BICC1: variants seen among roughly 807,000 people sequenced by gnomAD.
The protein encoded by BICC1 is BicC family RNA binding protein 1, also known as protein bicaudal C homolog 1.
In BICC1, 43 loss-of-function variants were observed where a neutral mutation model predicts 111.0. The ratio of observed to expected loss-of-function variants is 0.39; its 90% CI spans 0.30 to 0.50. The LOEUF (loss-of-function observed/expected upper bound fraction) is 0.50, where lower values mean the gene tolerates loss of function less well. Among genes scored for constraint, BICC1 ranks in the 20% least tolerant of loss-of-function variants. The pLI is 0.88. For missense variants in BICC1, 1,091 were observed against 1,203.2 expected, an observed-to-expected ratio of 0.91 and a Z score of 1.38; for synonymous variants, 467 against 434.4, an observed-to-expected ratio of 1.07 and a Z score of -0.93.
intron 19 of BICC1, among the ~76,000 whole-genome samples, chr10:58,817,964 A>C (rs928854867): frequency 1.3e-5 from 2 of 152,326 alleles, no homozygotes; most frequent in Admixed American, 1.3e-4. Context: ...GCTGTCTAAC[A>C]GTTTTAGCAA....
chr10:58,730,003 T>C (rs1394821070), intron 3 of BICC1, among the ~76,000 whole-genome samples: 2 of 152,148 alleles, frequency 1.3e-5, no homozygotes, highest in Admixed American at 6.6e-5. Flanking sequence ...CAATCATGCC[T>C]TCCCAACAGT....
At chr10:58,527,007 T>C (rs1372040547) in intron 1 of BICC1, among the ~76,000 whole-genome samples, 1 of 152,174 alleles carries the variant, frequency 6.6e-6, no homozygotes, top group African/African-American at 2.4e-5. Flanking sequence ...CACCACACTG[T>C]CTTCCACAAT....
chr10:58,532,696 T>C (rs1036061074), intron 1 of BICC1, among the ~76,000 whole-genome samples: 2 of 151,812 alleles, frequency 1.3e-5, no homozygotes, highest in African/African-American at 2.4e-5. Flanking sequence ...CCAAACACCA[T>C]AGGCATCTCA....
chr10:58,722,093 CT>C (rs2132525877), intron 3 of BICC1, among the ~76,000 whole-genome samples: 1 of 152,322 alleles, frequency 6.6e-6, no homozygotes, highest in Non-Finnish European at 1.5e-5. Flanking sequence ...GCATCCAGAT[CT>C]TTGAACACTC....
intron 2 of BICC1, among the ~76,000 whole-genome samples, chr10:58,676,182 C>T (rs193012341): frequency 3.5e-4 from 53 of 152,264 alleles, no homozygotes; most frequent in Admixed American, 6.5e-4. Context: ...GGGTTTCAAG[C>T]ACAAAACTGG....
Position 58,653,629 on chromosome 10 carries a change from G to A in BICC1, c.237+32728G>A, listed in dbSNP as rs1164899670. ...CATCTGCCATCTGTTCAATCCACAC[G>A]TCTTGTTTGAACCAGGGCAGTGCAC... On this transcript the variant is annotated intron_variant, in intron 2 of 20. Transcript: ENST00000373886. 4.6e-5 allele frequency among the ~76,000 whole-genome samples: 7 copies of A among 151,946 alleles called. No individual in the cohort carries two copies. In the East Asian group the frequency reaches 7.7e-4, roughly 17 times the overall value.
intron 1 of BICC1, among the ~76,000 whole-genome samples, chr10:58,604,963 A>T (rs537568635): frequency 1.8e-4 from 28 of 152,256 alleles, no homozygotes; most frequent in African/African-American, 6.3e-4. Context: ...GCACCTATCT[A>T]TGTTCTCTCT....
At chr10:58,624,063 G>A (rs539142427) in intron 2 of BICC1, among the ~76,000 whole-genome samples, 78 of 152,282 alleles carry the variant, frequency 5.1e-4, no homozygotes, top group African/African-American at 1.9e-3. Flanking sequence ...GCTTAACTGT[G>A]GGAGGGAGAA....
intron 3 of BICC1, among the ~76,000 whole-genome samples, chr10:58,750,224 A>C (rs1841947553): frequency 6.6e-6 from 1 of 152,166 alleles, no homozygotes; most frequent in Admixed American, 6.6e-5. Context: ...GAAGACTGTT[A>C]AGTGTAGTTG....
chr10:58,729,475 T>A (rs957284665), intron 3 of BICC1, among the ~76,000 whole-genome samples: 1 of 152,240 alleles, frequency 6.6e-6, no homozygotes, highest in African/African-American at 2.4e-5. Flanking sequence ...TTGTTGTGGC[T>A]TCTTACATTT....
rs1252958163 is a variant in BICC1 at position 58,813,933 on chromosome 10, A to G, written c.2480A>G (p.His827Arg). The change falls in exon 18 of 21, where the codon CAT becomes CGT. Residue 827 changes from histidine (H) to arginine (R), a missense_variant. Physicochemically the swap from His to Arg is conservative, Grantham distance 29. Transcript: ENST00000373886. ...RDRNGIGPGS[H>R]SEFAASIGSP... The stretch of plus-strand genomic sequence containing the variant: ...CGAAATGGAATTGGACCTGGAAGTC[A>G]TAGTGAATTTGCAGCTTCTATTGGC... 3 of 1,613,958 alleles carry G rather than the reference A, an allele frequency of 1.9e-6. No individual in the cohort carries two copies. The highest frequency in any genetic ancestry group is 1.7e-5 in the Admixed American group (1 of 59,994).
chr10:58,763,910 A>G (rs1254864865), intron 3 of BICC1, among the ~76,000 whole-genome samples: 1 of 152,014 alleles, frequency 6.6e-6, no homozygotes, highest in Non-Finnish European at 1.5e-5. Flanking sequence ...CCTGGAAGAG[A>G]ATAAAGCCAA....
intron 2 of BICC1, among the ~76,000 whole-genome samples, chr10:58,680,310 C>T (rs1299308547): frequency 6.6e-6 from 1 of 152,198 alleles, no homozygotes; most frequent in African/African-American, 2.4e-5. Flanking sequence ...CCAAAAACTC[C>T]TTAAGCTGAT....
intron 3 of BICC1, among the ~76,000 whole-genome samples, chr10:58,727,543 T>G (rs1841145568): frequency 6.6e-6 from 1 of 151,836 alleles, no homozygotes; most frequent in Non-Finnish European, 1.5e-5. Flanking sequence ...GCCAAGATCA[T>G]GCCACTGTTC....
chr10:58,629,508 A>C (rs1837731212), intron 2 of BICC1, among the ~76,000 whole-genome samples: 1 of 152,224 alleles, frequency 6.6e-6, no homozygotes, highest in Non-Finnish European at 1.5e-5. Flanking sequence ...TTTGCTAAGT[A>C]GGGCTCTGAA....
intron 3 of BICC1, among the ~76,000 whole-genome samples, chr10:58,707,992 T>G: frequency 7.8e-6 from 1 of 128,912 alleles, no homozygotes; most frequent in Non-Finnish European, 1.6e-5. Context: ...CCACCGCGCC[T>G]AGCCAGCTAA....
intron 17 of BICC1, among the ~76,000 whole-genome samples, chr10:58,811,865 A>G (rs540397806): frequency 1.8e-4 from 27 of 152,302 alleles, no homozygotes; most frequent in African/African-American, 6.5e-4. Context: ...TAGTAGGCCA[A>G]GGGAACAACT....
chr10:58,692,619 G>A (rs1469458842), intron 2 of BICC1, among the ~76,000 whole-genome samples: 1 of 152,126 alleles, frequency 6.6e-6, no homozygotes, highest in Non-Finnish European at 1.5e-5. Context: ...TTATTTCTTT[G>A]TAAAAACTTG....
At chr10:58,760,829 T>C (rs1425445702) in intron 3 of BICC1, among the ~76,000 whole-genome samples, 2 of 152,120 alleles carry the variant, frequency 1.3e-5, no homozygotes, top group Non-Finnish European at 2.9e-5. Context: ...GGGACAGAAT[T>C]TATTTGTATT....
Sources: allele counts gnomAD v4.1 joint callset (sites outside exome capture counted in the v4.1 genomes callset), GRCh38; gene constraint gnomAD v4.1.1; transcripts MANE v1.5; gene names NCBI Gene and HGNC (gene_info 2026-07-23, HGNC 2026-07-21).